The following SLC24A2 variants were observed in gnomAD, a reference collection of about 807,000 sequenced individuals.
The protein encoded by SLC24A2 is sodium/potassium/calcium exchanger 2.
A neutral mutation model predicts 62.0 loss-of-function variants in SLC24A2; 36 were observed. The observed-to-expected ratio is 0.58, with a 90% CI of 0.44 to 0.77. The LOEUF is 0.77. Among genes scored for constraint, SLC24A2 ranks in the 30% least tolerant of loss-of-function variants. The pLI is 0.00. For missense variants in SLC24A2, 846 were observed against 817.9 expected, an observed-to-expected ratio of 1.03 and a Z score of -0.42; for synonymous variants, 358 against 294.0, an observed-to-expected ratio of 1.22 and a Z score of -2.23.
the SLC24A2 span, among the ~76,000 whole-genome samples, chr9:19,916,009 A>G: frequency 6.6e-6 from 1 of 151,980 alleles, no homozygotes; most frequent in Non-Finnish European, 1.5e-5. Flanking sequence ...TCACAGCTAT[A>G]TTTTCTTCTA....
the SLC24A2 span, among the ~76,000 whole-genome samples, chr9:19,835,067 T>A: frequency 9.2e-5 from 14 of 151,566 alleles, no homozygotes; most frequent in Admixed American, 5.3e-4. Flanking sequence ...AAAGAGCTCC[T>A]GAAGGAAGCA....
chr9:20,076,307 A>G, the SLC24A2 span, among the ~76,000 whole-genome samples: 1 of 152,334 alleles, frequency 6.6e-6, no homozygotes, highest in East Asian at 1.9e-4. Context: ...CCTAGTTTAT[A>G]AAAGTCACCC....
At chr9:19,584,524 C>A (rs1836307211) in intron 5 of SLC24A2, among the ~76,000 whole-genome samples, 1 of 152,082 alleles carries the variant, frequency 6.6e-6, no homozygotes. Flanking sequence ...TGCCACCTAG[C>A]AACTAGAAGA....
intron 4 of SLC24A2, among the ~76,000 whole-genome samples, chr9:19,609,680 T>C (rs1371343821): frequency 3.3e-5 from 5 of 152,142 alleles, no homozygotes. Context: ...GTGAGTGGGG[T>C]CTTCATTGCT....
chr9:19,576,722 G>A (rs769970095), intron 6 of SLC24A2, among the ~76,000 whole-genome samples: 1 of 152,140 alleles, frequency 6.6e-6, no homozygotes, highest in Non-Finnish European at 1.5e-5. Flanking sequence ...TGGACTTCTA[G>A]AGTTACTGGT....
intron 5 of SLC24A2, among the ~76,000 whole-genome samples, chr9:19,587,644 C>T (rs1012518245): frequency 6.8e-6 from 1 of 148,008 alleles, no homozygotes; most frequent in Non-Finnish European, 1.5e-5. Context: ...CCAAGTATAA[C>T]AAATTCCCAC....
the SLC24A2 span, among the ~76,000 whole-genome samples, chr9:19,974,126 T>C: frequency 6.6e-6 from 1 of 152,162 alleles, no homozygotes; most frequent in African/African-American, 2.4e-5. Flanking sequence ...AATGTATTTC[T>C]CCCTTATTCT....
Position 19,513,114 on chromosome 9 carries a change from T to C in SLC24A2, c.*3039A>G, listed in dbSNP as rs1303074319. Reference sequence around the variant, plus strand: ...GTGATAGGGTCAGAGGGTGATGATGTAAGTCATATTATATGTGTACATATA... The same window carrying C: ...GTGATAGGGTCAGAGGGTGATGATGCAAGTCATATTATATGTGTACATATA... On this transcript the variant is annotated 3_prime_UTR_variant, in exon 11 of 11. Transcript: ENST00000341998. 6.8e-6 allele frequency: 1 copy of C among 146,794 alleles called. No individual in the cohort carries two copies. Among genetic ancestry groups the C allele is most frequent in the Non-Finnish European group, 1.5e-5 (1 of 67,444 alleles). The allele number at this position is 146,794 out of a possible 1,614,324, so 9.1% of individuals were successfully genotyped here. A position where few individuals can be genotyped will look rare whatever the true frequency, so the allele number is the denominator to read the frequency against.
At chr9:20,158,378 G>A in the SLC24A2 span, among the ~76,000 whole-genome samples, 1 of 151,642 alleles carries the variant, frequency 6.6e-6, no homozygotes, top group Non-Finnish European at 1.5e-5. Context: ...GATTAGGTCA[G>A]GAGGGGTCCA....
chr9:20,260,310 A>T, the SLC24A2 span, among the ~76,000 whole-genome samples: 2 of 152,236 alleles, frequency 1.3e-5, no homozygotes, highest in Non-Finnish European at 2.9e-5. Flanking sequence ...ACTTGGAGCC[A>T]ATAAATTTCT....
the SLC24A2 span, among the ~76,000 whole-genome samples, chr9:19,890,322 A>G: frequency 6.6e-6 from 1 of 152,216 alleles, no homozygotes; most frequent in East Asian, 1.9e-4. Context: ...AGGGAAGGAA[A>G]TTGCACAAGG....
chr9:19,829,100 T>C, the SLC24A2 span, among the ~76,000 whole-genome samples: 2 of 152,288 alleles, frequency 1.3e-5, no homozygotes, highest in East Asian at 3.9e-4. Context: ...GAAATCTAAC[T>C]TTCCTTATCA....
intron 2 of SLC24A2, among the ~76,000 whole-genome samples, chr9:19,723,836 G>C (rs1821097312): frequency 6.6e-6 from 1 of 151,974 alleles, no homozygotes; most frequent in African/African-American, 2.4e-5. Flanking sequence ...CAGGACAGTA[G>C]TTAACAAAAA....
the SLC24A2 span, among the ~76,000 whole-genome samples, chr9:20,230,140 A>T: frequency 3.9e-5 from 6 of 152,078 alleles, no homozygotes; most frequent in Non-Finnish European, 8.8e-5. Flanking sequence ...TTGTTGTTGG[A>T]CATTTAGGCT....
intron 4 of SLC24A2, among the ~76,000 whole-genome samples, chr9:19,612,958 C>T (rs1023791331): frequency 2.0e-5 from 3 of 152,152 alleles, no homozygotes; most frequent in Non-Finnish European, 4.4e-5. Context: ...GCTTTGGAAC[C>T]AGATCAATGT....
the SLC24A2 span, among the ~76,000 whole-genome samples, chr9:20,297,592 C>A: frequency 2.2e-4 from 34 of 152,342 alleles, no homozygotes; most frequent in East Asian, 5.8e-3. Flanking sequence ...CTGGGACAGA[C>A]CCATGGCAAT....
intron 5 of SLC24A2, among the ~76,000 whole-genome samples, chr9:19,582,871 G>GAATCTGACC (rs977545806): frequency 6.6e-6 from 1 of 151,862 alleles, no homozygotes; most frequent in African/African-American, 2.4e-5. Context: ...AAATTTTTCA[G>GAATCTGACC]AATCTGACCA....
the SLC24A2 span, among the ~76,000 whole-genome samples, chr9:20,261,733 C>CTTTTTTTTTT: frequency 8.4e-4 from 63 of 75,290 alleles, 6 homozygotes; most frequent in African/African-American, 1.3e-3. Flanking sequence ...AACACCAAAT[C>CTTTTTTTTTT]TTTTTTTTTT....
the SLC24A2 span, among the ~76,000 whole-genome samples, chr9:20,050,363 C>G: frequency 6.6e-6 from 1 of 151,866 alleles, no homozygotes; most frequent in Non-Finnish European, 1.5e-5. Flanking sequence ...TTGCAGTGAG[C>G]CTAGATCGCA....
Sources: allele counts gnomAD v4.1 joint callset (sites outside exome capture counted in the v4.1 genomes callset), GRCh38; gene constraint gnomAD v4.1.1; transcripts MANE v1.5; gene names NCBI Gene and HGNC (gene_info 2026-07-23, HGNC 2026-07-21).